RNF14: variants seen among roughly 807,000 people sequenced by gnomAD.
RNF14 encodes the protein ring finger protein 14.
In RNF14, 26 loss-of-function variants were observed where a neutral mutation model predicts 52.6. The observed-to-expected ratio is 0.49, with a 90% CI of 0.36 to 0.69. RNF14 has a LOEUF of 0.69. Ranked by LOEUF, RNF14 falls within the 30% of genes least tolerant of loss-of-function variation. The pLI, the probability that RNF14 is intolerant of heterozygous loss-of-function variation, is 0.00. For synonymous variants in RNF14, 194 were observed against 202.0 expected, an observed-to-expected ratio of 0.96 and a Z score of 0.34; for missense variants, 404 against 560.4, an observed-to-expected ratio of 0.72 and a Z score of 2.82.
chr5:141,972,892 ATTAAC>A lies in RNF14; in HGVS notation c.-6-686_-6-682del, dbSNP rs559763358. On this transcript the variant is annotated intron_variant, in intron 2 of 8. Coordinates refer to ENST00000394520, the MANE Select transcript of RNF14 (RefSeq NM_004290.5). The stretch of plus-strand genomic sequence containing the variant: ...AGGCACGAGCCACCGCGCCTGGCAA[ATTAAC>A]TTAAGAAAGGAGTGTAATATACTTT... 1.5e-4 allele frequency among the ~76,000 whole-genome samples: 23 copies of A among 152,268 alleles called. No homozygotes were observed. The East Asian group carries it at 3.3e-3, about 22-fold the overall frequency.
chr5:141,962,218 C>T (rs1753280074), upstream of RNF14, among the ~76,000 whole-genome samples: 1 of 152,186 alleles, frequency 6.6e-6, no homozygotes, highest in South Asian at 2.1e-4. Flanking sequence ...CACACAATGG[C>T]ACCTGTTTCT....
At chr5:141,949,527 G>C in the RNF14 span, 2 of 1,614,178 alleles carry the variant, frequency 1.2e-6, no homozygotes, top group Non-Finnish European at 8.5e-7. Flanking sequence ...CTCCTGTTCT[G>C]GGTCTGTCTG....
chr5:141,979,163 C>T (rs909642532), intron 5 of RNF14, among the ~76,000 whole-genome samples: 4 of 152,166 alleles, frequency 2.6e-5, no homozygotes, highest in East Asian at 1.9e-4. Context: ...CTGAAGGGGA[C>T]GTCTCTTAGA....
chr5:141,955,059 G>T (rs777396555), upstream of RNF14: 17 of 1,614,116 alleles, frequency 1.1e-5, no homozygotes, highest in Middle Eastern at 1.6e-4. This position sits in a 1 kb window ranked among gnomAD's most constrained non-coding sequence, Gnocchi z 5.5. Flanking sequence ...GGCTCCGCAG[G>T]ATCTGACGGG....
chr5:141,982,357 G>A (rs965583931), intron 6 of RNF14, among the ~76,000 whole-genome samples: 1 of 152,196 alleles, frequency 6.6e-6, no homozygotes, highest in African/African-American at 2.4e-5. Flanking sequence ...AGGTGATGAA[G>A]CTGTGGGAAT....
rs958252473 is a variant in RNF14 at position 141,978,548 on chromosome 5, T to TGA, written c.558_559dup (p.Ala187GlufsTer12). ...ATGTAGACCAAGAGGAAATTGTGGA[T>TGA]GAGAGAGCAGTGCAGGATGTGGAAT... On this transcript the variant is annotated frameshift_variant, in exon 5 of 9. Transcript: ENST00000394520. LOFTEE classifies it high-confidence loss of function. 1 of 1,613,960 alleles carries TGA rather than the reference T, an allele frequency of 6.2e-7. No homozygotes were observed. The highest frequency in any genetic ancestry group is 1.3e-5 in the African/African-American group (1 of 74,940).
At chr5:141,954,234 A>G (rs1753138123), upstream of RNF14, among the ~76,000 whole-genome samples, 4 of 152,192 alleles carry the variant, frequency 2.6e-5, no homozygotes, top group South Asian at 8.3e-4. Flanking sequence ...GGTAATTTCC[A>G]CTGCCCCATC....
chr5:141,954,988 T>C, upstream of RNF14: 3 of 1,612,374 alleles, frequency 1.9e-6, no homozygotes, highest in Non-Finnish European at 2.5e-6. Context: ...AGGAGGAGAA[T>C]CCACAGTGAG....
chr5:141,977,352 C>T (rs532709113), intron 4 of RNF14, among the ~76,000 whole-genome samples: 1 of 152,340 alleles, frequency 6.6e-6, no homozygotes, highest in South Asian at 2.1e-4. Context: ...TGGCACTACA[C>T]AGAGTGTAAG....
At chr5:141,966,506 T>C (rs1753352936), upstream of RNF14, among the ~76,000 whole-genome samples, 1 of 152,128 alleles carries the variant, frequency 6.6e-6, no homozygotes, top group Non-Finnish European at 1.5e-5. Flanking sequence ...GTCCTGGGCA[T>C]TTAAATGAGA....
upstream of RNF14, chr5:141,957,845 G>A: frequency 1.3e-6 from 2 of 1,597,802 alleles, no homozygotes; most frequent in Non-Finnish European, 1.7e-6. The surrounding 1 kb of genome is among the most constrained non-coding windows in gnomAD (Gnocchi z 4.3). Context: ...TGCAGAAGTT[G>A]CATCATGCTT....
At chr5:141,987,637 G>T (rs374840) in intron 8 of RNF14, 96 bp from the exon 9 acceptor site, 911,598 of 1,178,184 alleles carry the variant, frequency 0.77, 354,620 homozygotes, top group East Asian at 0.99. Flanking sequence ...GATGTACAAA[G>T]ATGTTATAAG....
At chr5:141,980,387 A>C (rs1249407068) in intron 6 of RNF14, 36 bp downstream of exon 6, 1 of 1,483,348 alleles carries the variant, frequency 6.7e-7, no homozygotes, top group Admixed American at 1.7e-5. Context: ...CCCCATCCCC[A>C]GTCTCTCCCT....
chr5:141,960,946 G>A (rs1195296625), intron 1 of RNF14, among the ~76,000 whole-genome samples: 3 of 152,114 alleles, frequency 2.0e-5, no homozygotes, highest in Non-Finnish European at 2.9e-5. Flanking sequence ...GGCAGGGACC[G>A]GGGACAGCCA....
At chr5:141,955,740 G>A (rs1400285116), upstream of RNF14, 12 of 1,613,994 alleles carry the variant, frequency 7.4e-6, no homozygotes, top group Non-Finnish European at 9.3e-6. This position sits in a 1 kb window ranked among gnomAD's most constrained non-coding sequence, Gnocchi z 5.5. Context: ...TGCGGGCTGA[G>A]TCCCTCAGGT....
At chr5:141,957,292 C>A, upstream of RNF14, 1 of 1,613,284 alleles carries the variant, frequency 6.2e-7, no homozygotes, top group Non-Finnish European at 8.5e-7. This position sits in a 1 kb window ranked among gnomAD's most constrained non-coding sequence, Gnocchi z 4.3. Context: ...CTCATCAGGG[C>A]CCACAATGAC....
At position 141,989,751 on chromosome 5, in the gene RNF14, T is replaced by C. The variant is rs1241088712; in HGVS notation, c.*1961T>C. On this transcript the variant is annotated 3_prime_UTR_variant, in exon 9 of 9. Coordinates refer to ENST00000394520, the MANE Select transcript of RNF14 (RefSeq NM_004290.5). ...ATAAATTAAAGATAAGAAATGGAAA[T>C]TAAAATGATTTGTTCTACAGTATAT... The C allele has an allele frequency of 6.6e-6, 1 of 150,810 alleles. No homozygotes were observed. 9.3% of individuals were successfully genotyped at this position (150,810 alleles called of 1,614,324 possible).
At chr5:141,955,671 G>A, upstream of RNF14, 1 of 1,614,158 alleles carries the variant, frequency 6.2e-7, no homozygotes, top group South Asian at 1.1e-5. The surrounding 1 kb of genome is among the most constrained non-coding windows in gnomAD (Gnocchi z 5.5). Flanking sequence ...ACCCGAAGAT[G>A]CCCAACAGTA....
At chr5:141,966,113 C>T (rs252138), upstream of RNF14, among the ~76,000 whole-genome samples, 127,765 of 151,966 alleles carry the variant, frequency 0.84, 53,841 homozygotes, top group East Asian at 0.98. Flanking sequence ...AAACCCCATC[C>T]CTACTAAAAA....
Sources: allele counts gnomAD v4.1 joint callset (sites outside exome capture counted in the v4.1 genomes callset), GRCh38; gene constraint gnomAD v4.1.1; non-coding constraint Gnocchi (gnomAD v3.1); transcripts MANE v1.5; gene names NCBI Gene and HGNC (gene_info 2026-07-23, HGNC 2026-07-21).